Variants in FGF13 observed in about 807,000 individuals in gnomAD.
FGF13 encodes fibroblast growth factor homologous factor 2.
FGF13 carries 2 observed loss-of-function variants against 19.5 expected under a neutral mutation model. The ratio of observed to expected loss-of-function variants is 0.10; its 90% CI spans 0.04 to 0.32. The LOEUF (loss-of-function observed/expected upper bound fraction) is 0.32, where lower values mean the gene tolerates loss of function less well. FGF13 is among the 10% of genes least tolerant of loss of function. The probability of loss-of-function intolerance (pLI) is 1.00; values close to 1 mark genes in which losing one functional copy is unlikely to be tolerated. For synonymous variants in FGF13, 72 were observed against 76.9 expected (o/e 0.94, Z 0.33); for missense variants, 113 against 192.7 (o/e 0.59, Z 2.45).
At chrX:138,713,597 G>A (rs923362934), upstream of FGF13, among the ~76,000 whole-genome samples, 2 of 111,747 alleles carry the variant, frequency 1.8e-5, no homozygotes, top group Non-Finnish European at 3.8e-5. Flanking sequence ...TTCAGGAAGG[G>A]GATAGACCTT....
chrX:138,995,495 T>C (rs1190952715), intron 1 of FGF13, among the ~76,000 whole-genome samples: 4 of 111,488 alleles, frequency 3.6e-5, no homozygotes, highest in Non-Finnish European at 7.5e-5. Context: ...CTAGTGTCTG[T>C]TGTTTGTTCT....
At chrX:138,957,868 T>C (rs564093) in intron 1 of FGF13, among the ~76,000 whole-genome samples, 12,582 of 111,719 alleles carry the variant, frequency 0.11, 853 homozygotes, top group African/African-American at 0.25. Context: ...TGTTTGCACA[T>C]TGATTTTGTA....
chrX:139,092,922 C>T (rs2083447698), intron 1 of FGF13, among the ~76,000 whole-genome samples: 3 of 112,064 alleles, frequency 2.7e-5, no homozygotes, highest in Admixed American at 1.9e-4. Context: ...GGCAATAATA[C>T]TCAGTAAAGC....
chrX:139,010,241 T>A (rs2092122409), intron 1 of FGF13, among the ~76,000 whole-genome samples: 1 of 110,480 alleles, frequency 9.1e-6, no homozygotes, highest in Non-Finnish European at 1.9e-5. Context: ...ACTAGATAGG[T>A]CATCAATACA....
At chrX:139,093,269 T>A (rs959599312) in intron 1 of FGF13, among the ~76,000 whole-genome samples, 22 of 112,047 alleles carry the variant, frequency 2.0e-4, no homozygotes, top group African/African-American at 6.5e-4. Flanking sequence ...CAATCACACC[T>A]CAGCTTTCGC....
intron 1 of FGF13, among the ~76,000 whole-genome samples, chrX:138,900,278 A>C (rs1455037230): frequency 9.0e-6 from 1 of 110,733 alleles, no homozygotes; most frequent in African/African-American, 3.3e-5. Context: ...CAAACTCCTC[A>C]ACAAACCATT....
At chrX:139,116,414 C>A (rs978403772) in intron 1 of FGF13, among the ~76,000 whole-genome samples, 4 of 111,565 alleles carry the variant, frequency 3.6e-5, no homozygotes, top group Non-Finnish European at 5.6e-5. Context: ...ATCCCAAAGA[C>A]CAACTTGTTT....
At chrX:139,101,172 A>ACCCAAT (rs2083510181) in intron 1 of FGF13, among the ~76,000 whole-genome samples, 1 of 111,984 alleles carries the variant, frequency 8.9e-6, no homozygotes, top group African/African-American at 3.2e-5. Context: ...GGACTCAGAG[A>ACCCAAT]CCCAATTCTG....
intron 1 of FGF13, among the ~76,000 whole-genome samples, chrX:139,097,609 T>A (rs1004486101): frequency 2.7e-5 from 3 of 111,679 alleles, no homozygotes; most frequent in Admixed American, 9.5e-5. Context: ...TATGATCATC[T>A]CAAAAGACGC....
rs1020569432 is a variant in FGF13, at chrX:138,679,898, T to C, written c.402+23086A>G. ...CAGGTGATACTGTATGATATGACTT[T>C]ACCCACGGAAAAACTTATTTCAAAA... On this transcript the variant is annotated intron_variant, in intron 3 of 4. Coordinates refer to ENST00000315930, the MANE Select transcript of FGF13 (RefSeq NM_004114.5). Among the ~76,000 whole-genome samples, 4 of 112,284 alleles carry C rather than the reference T, an allele frequency of 3.6e-5. No individual in the cohort carries two copies. In the Admixed American group the frequency reaches 3.8e-4, roughly 11 times the overall value.
intron 3 of FGF13, among the ~76,000 whole-genome samples, chrX:138,822,838 T>C (rs1276524403): frequency 1.8e-5 from 2 of 112,259 alleles, no homozygotes; most frequent in Admixed American, 9.4e-5. Context: ...ACTGAATGCC[T>C]AGGCAGTGGA....
In FGF13 at chrX:138,781,611, A is replaced by T. The variant is rs760577889; in HGVS notation, c.218-72683T>A. On this transcript the variant is annotated intron_variant, in intron 3 of 6. Transcript: ENST00000436198. ...TGACACATACACTCTCCCAAGACTA[A>T]ACCAGGAAGAAGTTGAATCTCCAAT... Among the ~76,000 whole-genome samples the T allele has an allele frequency of 1.4e-4, 16 of 111,794 alleles. No homozygotes were observed. The East Asian group carries it at 3.7e-3, about 26-fold the overall frequency.
intron 3 of FGF13, among the ~76,000 whole-genome samples, chrX:138,676,746 G>C (rs758422772): frequency 4.6e-4 from 52 of 112,014 alleles, no homozygotes; most frequent in African/African-American, 1.6e-3. Flanking sequence ...GCTTCTATGA[G>C]AATCTAATGC....
At chrX:138,713,677 A>G (rs1329885759), upstream of FGF13, among the ~76,000 whole-genome samples, 5 of 111,874 alleles carry the variant, frequency 4.5e-5, no homozygotes, top group Non-Finnish European at 9.4e-5. Context: ...TTCTCCTCTC[A>G]GATAGCTCTC....
chrX:138,803,604 A>G (rs1478641613), intron 3 of FGF13, among the ~76,000 whole-genome samples: 1 of 112,263 alleles, frequency 8.9e-6, no homozygotes, highest in African/African-American at 3.2e-5. Context: ...TTACCCGCAG[A>G]ATCTATATTA....
chrX:138,926,270 G>A (rs2091673733), intron 1 of FGF13, among the ~76,000 whole-genome samples: 1 of 112,027 alleles, frequency 8.9e-6, no homozygotes, highest in Non-Finnish European at 1.9e-5. Context: ...ATATAATAAT[G>A]CACTACTGTG....
intron 3 of FGF13, among the ~76,000 whole-genome samples, chrX:138,838,942 C>T (rs2091131184): frequency 1.8e-5 from 2 of 111,407 alleles, no homozygotes; most frequent in Non-Finnish European, 3.8e-5. Flanking sequence ...TTTTGAGGGA[C>T]TAGGAGAAGA....
intron 3 of FGF13, among the ~76,000 whole-genome samples, chrX:138,827,773 C>A (rs1449551296): frequency 8.9e-6 from 1 of 111,853 alleles, no homozygotes. Flanking sequence ...AGAGCTAAAT[C>A]ATCATAATCA....
At chrX:138,801,633 T>A (rs1040090070) in intron 3 of FGF13, among the ~76,000 whole-genome samples, 1 of 112,024 alleles carries the variant, frequency 8.9e-6, no homozygotes, top group Admixed American at 9.4e-5. Context: ...TCTACTGCTC[T>A]CTTAGAGCTG....
Sources: allele counts gnomAD v4.1 joint callset (sites outside exome capture counted in the v4.1 genomes callset), GRCh38; gene constraint gnomAD v4.1.1; transcripts MANE v1.5; gene names NCBI Gene and HGNC (gene_info 2026-07-23, HGNC 2026-07-21).